The following DPP10 variants were observed in gnomAD, a reference collection of about 807,000 sequenced individuals.
The protein encoded by DPP10 is inactive dipeptidyl peptidase 10.
A neutral mutation model predicts 120.9 loss-of-function variants in DPP10; 33 were observed. The observed-to-expected ratio is 0.27, with a 90% CI of 0.21 to 0.37. The LOEUF is 0.37. Among genes scored for constraint, DPP10 ranks in the 10% least tolerant of loss-of-function variants. DPP10 has a pLI of 1.00. For synonymous variants in DPP10, 337 were observed against 326.1 expected, an observed-to-expected ratio of 1.03 and a Z score of -0.36; for missense variants, 816 against 942.8, an observed-to-expected ratio of 0.87 and a Z score of 1.76.
intron 5 of DPP10, among the ~76,000 whole-genome samples, chr2:115,603,007 G>A (rs10177920): frequency 0.99 from 150,455 of 152,254 alleles, 74,367 homozygotes; most frequent in East Asian, 1. Context: ...TGTTACCTTC[G>A]GAAAGTTGGT....
intron 3 of DPP10, among the ~76,000 whole-genome samples, chr2:115,463,808 G>A (rs1212766574): frequency 6.6e-6 from 1 of 152,092 alleles, no homozygotes; most frequent in African/African-American, 2.4e-5. Context: ...CTGAGGGAAG[G>A]GTTGACTTCC....
At chr2:115,484,771 C>T (rs886822348) in intron 3 of DPP10, among the ~76,000 whole-genome samples, 3 of 152,084 alleles carry the variant, frequency 2.0e-5, no homozygotes, top group Admixed American at 6.6e-5. Flanking sequence ...TCAGCCAGTT[C>T]GGGAGGTAAT....
intron 1 of DPP10, among the ~76,000 whole-genome samples, chr2:114,876,992 T>A (rs1691215908): frequency 1.3e-5 from 2 of 151,930 alleles, no homozygotes; most frequent in Admixed American, 1.3e-4. Flanking sequence ...TTCTAAGTTT[T>A]AAAAAATGTT....
chr2:115,381,364 A>T (rs534426350), intron 3 of DPP10, among the ~76,000 whole-genome samples: 6 of 151,934 alleles, frequency 3.9e-5, no homozygotes, highest in South Asian at 4.2e-4. Context: ...AGGCTTCTGC[A>T]CTCTTCACGT....
chr2:114,807,932 C>G (rs114988222), intron 1 of DPP10, among the ~76,000 whole-genome samples: 1 of 152,104 alleles, frequency 6.6e-6, no homozygotes, highest in African/African-American at 2.4e-5. Flanking sequence ...GCTAAGGTGA[C>G]GAAGCAAACA....
intron 2 of DPP10, among the ~76,000 whole-genome samples, chr2:115,329,328 G>A (rs1261942266): frequency 6.6e-6 from 1 of 151,998 alleles, no homozygotes; most frequent in Non-Finnish European, 1.5e-5. Flanking sequence ...AGATAGGAAA[G>A]AACATTCATT....
At chr2:115,190,574 G>A (rs1051728425) in intron 1 of DPP10, among the ~76,000 whole-genome samples, 1 of 152,142 alleles carries the variant, frequency 6.6e-6, no homozygotes, top group Admixed American at 6.5e-5. Flanking sequence ...TTCCCCCGGC[G>A]GTGAAAGGCA....
At chr2:115,382,083 A>T (rs1199337123) in intron 3 of DPP10, among the ~76,000 whole-genome samples, 1 of 152,116 alleles carries the variant, frequency 6.6e-6, no homozygotes, top group Non-Finnish European at 1.5e-5. Context: ...GGCTCCACCC[A>T]GTTCAGTTGG....
intron 1 of DPP10, among the ~76,000 whole-genome samples, chr2:114,757,480 A>G (rs1439532480): frequency 6.6e-6 from 1 of 152,086 alleles, no homozygotes; most frequent in Non-Finnish European, 1.5e-5. Context: ...TAGTTTGCAT[A>G]CCAGGCTGTG....
At chr2:115,605,717 T>A (rs183297509) in intron 5 of DPP10, among the ~76,000 whole-genome samples, 77 of 152,122 alleles carry the variant, frequency 5.1e-4, no homozygotes, top group African/African-American at 1.6e-3. Flanking sequence ...CTCTCTCTCT[T>A]TTTTTTCTCT....
chr2:114,765,649 C>T (rs114021760), intron 1 of DPP10, among the ~76,000 whole-genome samples: 8 of 152,168 alleles, frequency 5.3e-5, no homozygotes, highest in East Asian at 1.9e-4. Context: ...AATTTTCCAA[C>T]GGCCTAAACA....
chr2:114,826,816 C>T (rs1266377256), intron 1 of DPP10, among the ~76,000 whole-genome samples: 1 of 152,198 alleles, frequency 6.6e-6, no homozygotes, highest in African/African-American at 2.4e-5. Flanking sequence ...GCGTGAGCCA[C>T]CGTGCTGGGC....
In DPP10 at chr2:114,717,073, C is replaced by T. The variant is rs537018274; in HGVS notation, c.60+274235C>T. On this transcript the variant is annotated intron_variant, in intron 1 of 25. Coordinates refer to ENST00000410059, the MANE Select transcript of DPP10 (RefSeq NM_020868.6). ...CACAGAGGGTTCATTCAATCATCAA[C>T]GCAGTTAATTTTCCTGGCAGAACCA... Among the ~76,000 whole-genome samples the T allele has an allele frequency of 7.9e-5, 12 of 152,292 alleles. No homozygotes were observed. In the South Asian group the frequency reaches 8.3e-4, roughly 11 times the overall value.
At chr2:115,113,640 T>C (rs1484572389) in intron 1 of DPP10, among the ~76,000 whole-genome samples, 1 of 152,152 alleles carries the variant, frequency 6.6e-6, no homozygotes, top group African/African-American at 2.4e-5. Context: ...GTTTCCAGTA[T>C]TCGCCATATT....
chr2:115,375,454 T>A (rs1031828658), intron 3 of DPP10, among the ~76,000 whole-genome samples: 1 of 152,182 alleles, frequency 6.6e-6, no homozygotes, highest in Non-Finnish European at 1.5e-5. Flanking sequence ...AACAAGTATC[T>A]GGGAAGTTCC....
intron 5 of DPP10, among the ~76,000 whole-genome samples, chr2:115,574,587 C>T (rs2081539455): frequency 6.6e-6 from 1 of 152,198 alleles, no homozygotes; most frequent in Admixed American, 6.5e-5. Flanking sequence ...CTCCTCTGTG[C>T]TTCCAAATTT....
At chr2:115,821,274 T>C (rs931589191) in intron 21 of DPP10, among the ~76,000 whole-genome samples, 3 of 152,158 alleles carry the variant, frequency 2.0e-5, no homozygotes, top group Non-Finnish European at 4.4e-5. Context: ...AAGGCTATTA[T>C]TATTCAGTTC....
At chr2:114,533,775 A>AT (rs1215685592) in intron 1 of DPP10, among the ~76,000 whole-genome samples, 2 of 152,130 alleles carry the variant, frequency 1.3e-5, no homozygotes, top group Non-Finnish European at 2.9e-5. Flanking sequence ...TTTCAAAGGC[A>AT]TTTTTCAATG....
At chr2:115,541,921 T>G (rs907596015) in intron 5 of DPP10, among the ~76,000 whole-genome samples, 1 of 151,940 alleles carries the variant, frequency 6.6e-6, no homozygotes, top group African/African-American at 2.4e-5. Context: ...TTACTTACTT[T>G]TAAGTACAGA....
Sources: allele counts gnomAD v4.1 joint callset (sites outside exome capture counted in the v4.1 genomes callset), GRCh38; gene constraint gnomAD v4.1.1; transcripts MANE v1.5; gene names NCBI Gene and HGNC (gene_info 2026-07-23, HGNC 2026-07-21).